The following DNAH3 variants were observed in gnomAD, a reference collection of about 807,000 sequenced individuals.
The protein encoded by DNAH3 is dynein axonemal heavy chain 3.
DNAH3 carries 332 observed loss-of-function variants against 432.5 expected under a neutral mutation model. The ratio of observed to expected loss-of-function variants is 0.77; its 90% CI spans 0.70 to 0.84. DNAH3 has a LOEUF of 0.84. Among genes scored for constraint, DNAH3 ranks in the 40% least tolerant of loss-of-function variants. DNAH3 has a pLI of 0.00. For synonymous variants in DNAH3, 1,956 were observed against 1,900.2 expected, an observed-to-expected ratio of 1.03 and a Z score of -0.76; for missense variants, 4,861 against 5,114.0, an observed-to-expected ratio of 0.95 and a Z score of 1.51.
At chr16:20,955,756 G>A (rs2084533987) in intron 54 of DNAH3, among the ~76,000 whole-genome samples, 1 of 152,006 alleles carries the variant, frequency 6.6e-6, no homozygotes, top group Non-Finnish European at 1.5e-5. Context: ...TGAAAAATAG[G>A]GAGAAATTCT....
intron 17 of DNAH3, 106 bp downstream of exon 17, chr16:21,098,510 T>A: frequency 1.0e-5 from 10 of 986,760 alleles, no homozygotes; most frequent in Non-Finnish European, 1.3e-5. Flanking sequence ...AGTTAACCAA[T>A]ACTATCCACC....
At chr16:20,946,270 C>A (rs889099988) in intron 57 of DNAH3, among the ~76,000 whole-genome samples, 1 of 152,212 alleles carries the variant, frequency 6.6e-6, no homozygotes, top group African/African-American at 2.4e-5. Context: ...CCCAGGCATT[C>A]CTTTCTATTG....
At position 20,987,153 on chromosome 16, in the gene DNAH3, G is replaced by A. The variant is rs2086236844; in HGVS notation, c.7026+152C>T. The A allele has an allele frequency of 4.3e-6, 4 of 924,726 alleles. No homozygotes were observed. The Admixed American group carries it at 8.1e-5, about 19-fold the overall frequency. 57.3% of individuals were successfully genotyped at this position (924,726 alleles called of 1,614,324 possible). A position where few individuals can be genotyped will look rare whatever the true frequency, so the allele number is the denominator to read the frequency against. On this transcript the variant is annotated intron_variant, in intron 47 of 61. Transcript: ENST00000261383. ...GTTGGACCAAGTAAAATATCACCAA[G>A]TCAAAAAGAGCAGTTGACTCAATAC...
intron 25 of DNAH3, among the ~76,000 whole-genome samples, chr16:21,061,649 C>T (rs1482798265): frequency 2.0e-5 from 3 of 152,210 alleles, no homozygotes; most frequent in Non-Finnish European, 4.4e-5. Flanking sequence ...CTGATTCATG[C>T]ATTATTCCAG....
intron 59 of DNAH3, among the ~76,000 whole-genome samples, chr16:20,940,094 C>T (rs1052843250): frequency 6.6e-6 from 1 of 152,202 alleles, no homozygotes; most frequent in Non-Finnish European, 1.5e-5. Context: ...TAGATTTACC[C>T]AGATTTCACA....
chr16:21,019,524 GGC>G, intron 41 of DNAH3, 98 bp downstream of exon 41: 1 of 1,394,780 alleles, frequency 7.2e-7, no homozygotes, highest in Non-Finnish European at 9.8e-7. Context: ...GGCCTTCTGT[GGC>G]TTTTGTAAAG....
intron 12 of DNAH3, among the ~76,000 whole-genome samples, chr16:21,115,300 G>A: frequency 6.6e-6 from 1 of 151,102 alleles, no homozygotes; most frequent in Non-Finnish European, 1.5e-5. Context: ...TAAATGACGA[G>A]TTAATGGGTG....
intron 50 of DNAH3, among the ~76,000 whole-genome samples, chr16:20,978,259 T>C (rs1231270004): frequency 6.6e-6 from 1 of 152,148 alleles, no homozygotes; most frequent in African/African-American, 2.4e-5. Flanking sequence ...GCCGGGCGGG[T>C]GGCTCATGCC....
At chr16:21,097,261 C>A (rs764484434) in intron 18 of DNAH3, 94 bp downstream of exon 18, 3 of 1,446,912 alleles carry the variant, frequency 2.1e-6, no homozygotes, top group Non-Finnish European at 9.6e-7. Flanking sequence ...AAAAGTCCAG[C>A]CAGATTCTTA....
At chr16:21,138,031 T>C (rs2092667346) in intron 5 of DNAH3, among the ~76,000 whole-genome samples, 1 of 151,862 alleles carries the variant, frequency 6.6e-6, no homozygotes, top group African/African-American at 2.4e-5. Flanking sequence ...GTGGATCACC[T>C]GAAGTCAGGA....
chr16:21,006,078 A>T (rs2087289113), intron 41 of DNAH3, among the ~76,000 whole-genome samples: 1 of 152,086 alleles, frequency 6.6e-6, no homozygotes, highest in Non-Finnish European at 1.5e-5. Flanking sequence ...TTCTTAAGGA[A>T]CTAGCATTAT....
chr16:20,958,070 GA>G (rs2084654907), intron 54 of DNAH3, among the ~76,000 whole-genome samples: 1 of 148,520 alleles, frequency 6.7e-6, no homozygotes. Flanking sequence ...GAAAACAGTA[GA>G]ATTTTTTTTT....
intron 43 of DNAH3, among the ~76,000 whole-genome samples, chr16:20,999,536 C>T (rs1020090966): frequency 2.6e-5 from 4 of 152,122 alleles, no homozygotes; most frequent in African/African-American, 7.2e-5. Context: ...GAGAACGCTA[C>T]GTGTCAACAG....
At chr16:20,957,808 C>CAAAAAAAAAAAAAAAA (rs762197650) in intron 54 of DNAH3, among the ~76,000 whole-genome samples, 14 of 53,284 alleles carry the variant, frequency 2.6e-4, no homozygotes, top group East Asian at 9.5e-4. Context: ...ACTCCATCTC[C>CAAAAAAAAAAAAAAAA]AAAAAAAAAA....
At chr16:20,988,025 G>A (rs1372131774) in exon 45 of DNAH3, 3 of 1,614,122 alleles carry the variant, frequency 1.9e-6, no homozygotes, top group East Asian at 2.2e-5. Flanking sequence ...CATCCTCAAA[G>A]GCATTGATGG....
intron 16 of DNAH3, among the ~76,000 whole-genome samples, chr16:21,103,543 C>G (rs922591585): frequency 6.6e-6 from 1 of 152,166 alleles, no homozygotes; most frequent in South Asian, 2.1e-4. Flanking sequence ...GGAAAATACA[C>G]ACACACTCAC....
At chr16:21,009,995 C>T (rs2152701033) in intron 41 of DNAH3, among the ~76,000 whole-genome samples, 1 of 151,524 alleles carries the variant, frequency 6.6e-6, no homozygotes, top group South Asian at 2.1e-4. Flanking sequence ...AAAGATTTAA[C>T]TAGTAAAAGT....
Position 21,106,513 on chromosome 16 carries a change from AG to A in DNAH3, c.2260del (p.Leu754Ter). Reference sequence around the variant, plus strand: ...ACACGGCAAGTCTGCATAGTCCATCAGGAACTCCAGCCGTTCACTTGCATCT... The same window carrying A: ...ACACGGCAAGTCTGCATAGTCCATCAGAACTCCAGCCGTTCACTTGCATCT... On this transcript the variant is annotated frameshift_variant, in exon 15 of 62. Transcript: ENST00000261383. LOFTEE classifies it high-confidence loss of function. The A allele has an allele frequency of 6.2e-7, 1 of 1,610,664 alleles. No homozygotes were observed.
intron 3 of DNAH3, among the ~76,000 whole-genome samples, chr16:21,142,281 C>T (rs981708844): frequency 1.3e-5 from 2 of 151,842 alleles, no homozygotes; most frequent in African/African-American, 2.4e-5. Context: ...GCAGAAGAAT[C>T]GCTTGAACCC....
Sources: allele counts gnomAD v4.1 joint callset (sites outside exome capture counted in the v4.1 genomes callset), GRCh38; gene constraint gnomAD v4.1.1; transcripts MANE v1.5; gene names NCBI Gene and HGNC (gene_info 2026-07-23, HGNC 2026-07-21).